Variants in KIFC3 observed in about 807,000 individuals in gnomAD.
KIFC3 encodes kinesin-like protein KIFC3.
Under a neutral mutation model 101.8 loss-of-function variants are expected in KIFC3, and 60 were observed. The observed-to-expected ratio is 0.59, with a 90% confidence interval of 0.48 to 0.73. The LOEUF is 0.73. Among genes scored for constraint, KIFC3 ranks in the 30% least tolerant of loss-of-function variants. KIFC3 has a pLI of 0.00. For synonymous variants in KIFC3, 476 were observed against 482.7 expected (o/e 0.99, Z 0.18); for missense variants, 966 against 1,137.1 (o/e 0.85, Z 2.16).
At chr16:57,857,500 A>G (rs561256654) in intron 1 of KIFC3, among the ~76,000 whole-genome samples, 197 of 151,272 alleles carry the variant, frequency 1.3e-3, no homozygotes, top group South Asian at 3.6e-3. Context: ...GTACCCATCA[A>G]CCCGTCATCT....
intron 1 of KIFC3, chr16:57,798,633 G>T (rs556560873): frequency 5.6e-5 from 21 of 375,616 alleles, no homozygotes; most frequent in African/African-American, 4.1e-4. Flanking sequence ...CAGCATCTCC[G>T]TAAGTCTAAT....
chr16:57,777,432 A>G (rs1555612301), intron 3 of KIFC3, among the ~76,000 whole-genome samples: 1 of 152,256 alleles, frequency 6.6e-6, no homozygotes, highest in Admixed American at 6.5e-5. Flanking sequence ...AAAAAGCTAC[A>G]GCAATTGGCC....
intron 1 of KIFC3, among the ~76,000 whole-genome samples, chr16:57,801,669 G>A (rs2054732452): frequency 6.6e-6 from 1 of 152,224 alleles, no homozygotes; most frequent in South Asian, 2.1e-4. Flanking sequence ...GTATGGAGGT[G>A]GGGGCTGGGT....
intron 1 of KIFC3, among the ~76,000 whole-genome samples, chr16:57,812,409 A>G (rs566315835): frequency 6.6e-6 from 1 of 151,056 alleles, no homozygotes; most frequent in East Asian, 2.0e-4. Flanking sequence ...CCTTCTGGGA[A>G]TAGGGCCCTC....
intron 3 of KIFC3, chr16:57,776,036 C>T (rs1267787328): frequency 5.1e-6 from 5 of 985,372 alleles, no homozygotes; most frequent in Non-Finnish European, 6.0e-6. Flanking sequence ...AAGGGTGGGG[C>T]CAGCCAGCCC....
intron 1 of KIFC3, among the ~76,000 whole-genome samples, chr16:57,858,468 C>T (rs1174311333): frequency 2.0e-5 from 3 of 152,040 alleles, no homozygotes; most frequent in East Asian, 1.9e-4. Flanking sequence ...ATATAAGGTC[C>T]GTGAACCATT....
At chr16:57,813,671 C>T in intron 1 of KIFC3, 1 of 985,272 alleles carries the variant, frequency 1.0e-6, no homozygotes, top group Non-Finnish European at 1.2e-6. Flanking sequence ...GCAAACCTCC[C>T]ACCTGGCATC....
At chr16:57,823,804 T>TGTGTGTGTGTGTGTGTGTG (rs1568088575) in intron 1 of KIFC3, among the ~76,000 whole-genome samples, 8 of 149,400 alleles carry the variant, frequency 5.4e-5, no homozygotes, top group Non-Finnish European at 8.9e-5. Context: ...TGTGTGTGTG[T>TGTGTGTGTGTGTGTGTGTG]TTTTAGTAGA....
rs34502072 is a variant in KIFC3 at position 57,860,086 on chromosome 16, AT to A, written c.108+2642del. 3.6e-4 allele frequency among the ~76,000 whole-genome samples: 51 copies of A among 142,760 alleles called. 2 individuals are homozygous for A. The highest frequency in any genetic ancestry group is 5.0e-4 in the Non-Finnish European group (33 of 65,402). The allele number at this position is 142,760 out of a possible 152,430, so 93.7% of individuals were successfully genotyped here. A position where few individuals can be genotyped will look rare whatever the true frequency, so the allele number is the denominator to read the frequency against. On this transcript the variant is annotated intron_variant, in intron 1 of 2. Coordinates refer to the KIFC3 transcript ENST00000563028. ...ATAAAATAAAATAAAATAAAATAAA[AT>A]AAAATAAAAACAAGTGGGGCAGGTG... is the stretch of plus-strand genomic sequence containing the variant.
At chr16:57,785,800 C>G in intron 3 of KIFC3, 1 of 364,016 alleles carries the variant, frequency 2.7e-6, no homozygotes, top group Non-Finnish European at 4.5e-6. Context: ...CAGGTGAGGG[C>G]TGGGGCGGCA....
At chr16:57,828,183 A>C (rs2967138) in intron 1 of KIFC3, among the ~76,000 whole-genome samples, 81,288 of 152,092 alleles carry the variant, frequency 0.53, 23,972 homozygotes, top group African/African-American at 0.79. Context: ...CTCCTTCCTC[A>C]TCATGAGGGA....
chr16:57,860,022 AAAAATAAAATAAAATAAAAT>A (rs547546702), intron 1 of KIFC3, among the ~76,000 whole-genome samples: 1,717 of 86,840 alleles, frequency 0.02, 33 homozygotes, highest in African/African-American at 0.05. Flanking sequence ...ACTCTGTCTC[AAAAATAAAATAAAATAAAAT>A]AAAATAAAAT....
intron 1 of KIFC3, among the ~76,000 whole-genome samples, chr16:57,814,511 T>G (rs1451204132): frequency 6.6e-6 from 1 of 152,214 alleles, no homozygotes; most frequent in African/African-American, 2.4e-5. Flanking sequence ...TGCTAAGTAC[T>G]CTACATGAAC....
chr16:57,841,517 A>G (rs1299154463), intron 1 of KIFC3, among the ~76,000 whole-genome samples: 1 of 152,114 alleles, frequency 6.6e-6, no homozygotes, highest in African/African-American at 2.4e-5. Flanking sequence ...AATACAAAAA[A>G]TTAGCCAGGC....
intron 3 of KIFC3, among the ~76,000 whole-genome samples, chr16:57,772,798 G>A (rs1295280156): frequency 6.6e-6 from 1 of 152,186 alleles, no homozygotes; most frequent in African/African-American, 2.4e-5. Flanking sequence ...CTGTGGAGAT[G>A]GGTCTGCCAG....
chr16:57,847,058 A>G (rs1303601514), intron 1 of KIFC3, among the ~76,000 whole-genome samples: 3 of 151,526 alleles, frequency 2.0e-5, no homozygotes, highest in Non-Finnish European at 4.4e-5. Flanking sequence ...GCTGGCGAAC[A>G]CCTGTAATCT....
At chr16:57,785,500 ACTGTCG>A in intron 3 of KIFC3, 1 of 1,288,848 alleles carries the variant, frequency 7.8e-7, no homozygotes, top group Non-Finnish European at 1.0e-6. Context: ...CCTGCTGGTC[ACTGTCG>A]CGGAGGGCCA....
intron 1 of KIFC3, among the ~76,000 whole-genome samples, chr16:57,823,797 GTGTGTGTT>G (rs1283230693): frequency 1.4e-5 from 2 of 146,570 alleles, no homozygotes; most frequent in African/African-American, 5.0e-5. Context: ...GTGTGTGTGT[GTGTGTGTT>G]TTTAGTAGAG....
chr16:57,828,803 C>G (rs2055513506), intron 1 of KIFC3, among the ~76,000 whole-genome samples: 3 of 152,148 alleles, frequency 2.0e-5, no homozygotes. Flanking sequence ...AAGCCCAGCC[C>G]CCTCCACGCA....
Sources: allele counts gnomAD v4.1 joint callset (sites outside exome capture counted in the v4.1 genomes callset), GRCh38; gene constraint gnomAD v4.1.1; transcripts MANE v1.5; gene names NCBI Gene and HGNC (gene_info 2026-07-23, HGNC 2026-07-21).